Variants in DPEP3 observed in about 807,000 individuals in gnomAD.
DPEP3 encodes dipeptidase 3.
A neutral mutation model predicts 47.5 loss-of-function variants in DPEP3; 42 were observed. The observed-to-expected ratio is 0.88, with a 90% CI of 0.69 to 1.14. The LOEUF is 1.14. Ranked by LOEUF, DPEP3 falls within the 50% of genes most tolerant of loss-of-function variation. The probability of loss-of-function intolerance (pLI) is 0.00; values close to 1 mark genes in which losing one functional copy is unlikely to be tolerated. For synonymous variants in DPEP3, 276 were observed against 270.2 expected, an observed-to-expected ratio of 1.02 and a Z score of -0.21; for missense variants, 560 against 635.0, an observed-to-expected ratio of 0.88 and a Z score of 1.27.
At position 67,976,085 on chromosome 16, in the gene DPEP3, C is replaced by T. The variant is rs2031188814; in HGVS notation, c.1230+8G>A. 8 of 1,614,206 alleles carry T rather than the reference C, an allele frequency of 5.0e-6. No homozygotes were observed. Among genetic ancestry groups the T allele is most frequent in the Non-Finnish European group, 5.9e-6 (7 of 1,180,016 alleles). ...CACTGAACCATCCTGTCCACCAGCC[C>T]AGCTTACCTTTTCCACTTGTCTGAA... On this transcript the variant is annotated splice_region_variant and intron_variant, in intron 9 of 9. Coordinates refer to ENST00000268793, the MANE Select transcript of DPEP3 (RefSeq NM_001370198.1).
chr16:67,979,596 C>T, intron 2 of DPEP3, 43 bp downstream of exon 2: 1 of 1,608,766 alleles, frequency 6.2e-7, no homozygotes, highest in Non-Finnish European at 8.5e-7. Context: ...CCCCAACATC[C>T]CCCAGCAGCC....
chr16:67,976,320 C>T, intron 8 of DPEP3, 92 bp from the exon 9 acceptor site: 2 of 1,538,484 alleles, frequency 1.3e-6, no homozygotes, highest in Non-Finnish European at 1.8e-6. Flanking sequence ...ACAGGGGAAA[C>T]TGAAGGCCAA....
chr16:67,977,913 T>G, intron 5 of DPEP3, 25 bp downstream of exon 5: 1 of 1,613,910 alleles, frequency 6.2e-7, no homozygotes, highest in Non-Finnish European at 8.5e-7. Context: ...GCAGGTGGGT[T>G]GGGGTACAAA....
Position 67,977,316 on chromosome 16 carries a change from C to A in DPEP3, c.972G>T (p.Met324Ile). The change falls in exon 7 of 10, where the codon ATG (methionine) becomes ATT (isoleucine). Residue 324 changes from methionine (M) to isoleucine (I), a missense_variant. Transcript: ENST00000268793. Reference sequence around the variant, plus strand: ...CAAGCAGGTTGCACTGCAGCACCCCCATGGACAGTGTCACCATCACGATGC... The same window carrying A: ...CAAGCAGGTTGCACTGCAGCACCCCAATGGACAGTGTCACCATCACGATGC... Reference protein sequence around the residue: ...NGGIVMVTLSMGVLQCNLLAN... With the variant: ...NGGIVMVTLSIGVLQCNLLAN... 1 of 1,613,960 alleles carries A rather than the reference C, an allele frequency of 6.2e-7. No individual in the cohort carries two copies. The highest frequency in any genetic ancestry group is 1.1e-5 in the South Asian group (1 of 91,084).
intron 1 of DPEP3, 27 bp downstream of exon 1, chr16:67,980,067 C>A: frequency 6.3e-7 from 1 of 1,589,102 alleles, no homozygotes. Context: ...GCTCACCCCG[C>A]GTTGCCCAAA....
rs574371075 is a variant in DPEP3 at position 67,980,337 on chromosome 16, C to T, written c.44G>A (p.Arg15Gln). ...CAGGAGCAGCAGACGCCGCAGATAC[C>T]GCCGGCTGAGCGCGCGGGAACCCTC... ...GREGSRALSR[R>Q]YLRRLLLLLL... Residue 15 changes from arginine to glutamine, a missense_variant, in exon 1 of 10, where the codon CGG (arginine) becomes CAG (glutamine). By Grantham distance (43) the Arg-to-Gln change is conservative (BLOSUM62 1). Transcript: ENST00000268793. 148 of 1,551,808 alleles carry T rather than the reference C, an allele frequency of 9.5e-5. No individual in the cohort carries two copies. In the South Asian group the frequency reaches 1.6e-3, roughly 16 times the overall value.
In DPEP3 at chr16:67,977,295, C is replaced by G. The variant is rs1236784873; in HGVS notation, c.993G>C (p.Leu331=). Residue 331 remains leucine, a synonymous_variant, in exon 7 of 10, where the codon CTG becomes CTC. Coordinates refer to ENST00000268793, the MANE Select transcript of DPEP3 (RefSeq NM_001370198.1). ...CTGCCACAGTGGACACGTTAGCAAG[C>G]AGGTTGCACTGCAGCACCCCCATGG... is the stretch of plus-strand genomic sequence containing the variant. ...TLSMGVLQCN[L]LANVSTVADH... is the part of the protein sequence containing the mutation. 6.2e-7 allele frequency: 1 copy of G among 1,613,832 alleles called. No individual in the cohort carries two copies. Among genetic ancestry groups the G allele is most frequent in the Non-Finnish European group, 8.5e-7 (1 of 1,179,888 alleles).
rs1360537756 is a variant in DPEP3 at position 67,978,627 on chromosome 16, C to T, written c.415-1G>A. 2 of 1,613,732 alleles carry T rather than the reference C, an allele frequency of 1.2e-6. No homozygotes were observed. Among genetic ancestry groups the T allele is most frequent in the Admixed American group, 1.7e-5 (1 of 60,020 alleles). On this transcript the variant is annotated splice_acceptor_variant, in intron 2 of 9. Transcript: ENST00000268793. LOFTEE classifies it high-confidence loss of function. The surrounding 1 kb of genome is among the most constrained non-coding windows in gnomAD (Gnocchi z 4.4). Reference sequence around the variant, plus strand: ...GGCATGAGACGGAGGCTGACCAGAACTGAGGGTAGGTCAAGGGGTCCAGAA... The same window carrying T: ...GGCATGAGACGGAGGCTGACCAGAATTGAGGGTAGGTCAAGGGGTCCAGAA...
Position 67,975,836 on chromosome 16 carries a change from C to T in DPEP3, c.1396G>A (p.Ala466Thr), listed in dbSNP as rs746790741. Residue 466 changes from alanine to threonine, a missense_variant, in exon 10 of 10, where the codon GCC becomes ACC. Ala to Thr is a moderately conservative substitution (Grantham distance 58, BLOSUM62 0). Transcript: ENST00000268793. ...TNRVPWRSSN[A>T]SPYLVPGLVA... The stretch of plus-strand genomic sequence containing the variant: ...AGGCCTGGAACAAGGTATGGGGAGG[C>T]ATTTGAGGACCTCCAGGGGACCCGA... 2 of 1,613,914 alleles carry T rather than the reference C, an allele frequency of 1.2e-6. No individual in the cohort carries two copies. The highest frequency in any genetic ancestry group is 3.3e-5 in the Admixed American group (2 of 59,996).
intron 1 of DPEP3, 147 bp downstream of exon 1, chr16:67,979,947 G>C (rs556077554): frequency 1.9e-5 from 26 of 1,359,230 alleles, no homozygotes; most frequent in East Asian, 1.7e-4. Context: ...TGCGGGGAAG[G>C]GCACCCATGG....
rs370294992 is a variant in DPEP3, at chr16:67,979,761, T to C, written c.292A>G (p.Asn98Asp). The C allele has an allele frequency of 8.7e-6, 14 of 1,613,810 alleles. No individual in the cohort carries two copies. The East Asian group carries it at 2.5e-4, about 28-fold the overall frequency. Residue 98 changes from asparagine to aspartate, a missense_variant, in exon 2 of 10, where the codon AAT (asparagine) becomes GAT (aspartate). Asn to Asp is a conservative substitution (Grantham distance 23). Coordinates refer to ENST00000268793, the MANE Select transcript of DPEP3 (RefSeq NM_001370198.1). ...MRSFPLVDGH[N>D]DLPQVLRQRY... ...TGTCTCAGGACCTGGGGCAGGTCAT[T>C]GTGGCTGGGGGTGTGAAGGTCAGAT...
Position 67,977,969 on chromosome 16 carries a change from G to GTGTAC in DPEP3, c.720_724dup (p.Thr242SerfsTer8). ...AAAGCTTGTCAATCCGCTGACGTTG[G>GTGTAC]TGTACATGTGGTGTCTGAACTTGGT... On this transcript the variant is annotated frameshift_variant, in exon 5 of 10. Coordinates refer to ENST00000268793, the MANE Select transcript of DPEP3 (RefSeq NM_001370198.1). LOFTEE classifies it high-confidence loss of function. The GTGTAC allele has an allele frequency of 6.2e-7, 1 of 1,613,970 alleles. No homozygotes were observed. Among genetic ancestry groups the GTGTAC allele is most frequent in the Non-Finnish European group, 8.5e-7 (1 of 1,179,876 alleles).
Position 67,976,200 on chromosome 16 carries a change from T to G in DPEP3, c.1123A>C (p.Thr375Pro). The G allele has an allele frequency of 6.2e-7, 1 of 1,614,202 alleles. No homozygotes were observed. Among genetic ancestry groups the G allele is most frequent in the Non-Finnish European group, 8.5e-7 (1 of 1,180,024 alleles). ...AACTCCTCTATCAGGACTGGGTATG[T>G]GGACACATCCTCCAGCCCCTGAGGG... ...RFPQGLEDVS[T>P]YPVLIEELLS... Residue 375 changes from threonine to proline, a missense_variant, in exon 9 of 10, where the codon ACA becomes CCA. Coordinates refer to ENST00000268793, the MANE Select transcript of DPEP3 (RefSeq NM_001370198.1).
In DPEP3 at chr16:67,977,990, TTGG is replaced by T. The variant is rs1353125006; in HGVS notation, c.701_703del (p.Thr234del). 4.3e-6 allele frequency: 7 copies of T among 1,613,820 alleles called. No homozygotes were observed. Among genetic ancestry groups the T allele is most frequent in the Non-Finnish European group, 5.9e-6 (7 of 1,179,892 alleles). ...GTTGGTGTACATGTGGTGTCTGAAC[TTGG>T]TGGAACTCTCTGCCCTGCAGGACAG... On this transcript the variant is annotated inframe_deletion, in exon 5 of 10. Coordinates refer to ENST00000268793, the MANE Select transcript of DPEP3 (RefSeq NM_001370198.1).
Position 67,977,777 on chromosome 16 carries a change from G to A in DPEP3, c.809C>T (p.Ala270Val). 6.2e-7 allele frequency: 1 copy of A among 1,613,920 alleles called. No individual in the cohort carries two copies. ...RLGMMIDLSY[A>V]SDTLIRRVLE... Reference sequence around the variant, plus strand: ...GACCCTTCTTATCAAGGTGTCCGATGCATAGGACAAATCTATCATCATGCC... The same window carrying A: ...GACCCTTCTTATCAAGGTGTCCGATACATAGGACAAATCTATCATCATGCC... The change falls in exon 6 of 10, where the codon GCA (alanine) becomes GTA (valine). Residue 270 changes from alanine to valine, a missense_variant. By Grantham distance (64) the Ala-to-Val change is moderately conservative. Coordinates refer to ENST00000268793, the MANE Select transcript of DPEP3 (RefSeq NM_001370198.1).
In DPEP3 at chr16:67,976,180, C is replaced by T. The variant is rs1014343268; in HGVS notation, c.1143G>A (p.Glu381=). The change falls in exon 9 of 10, where the codon GAG becomes GAA. Residue 381 remains glutamate, a synonymous_variant. Transcript: ENST00000268793. The part of the protein sequence containing the change: ...EDVSTYPVLI[E]ELLSRSWSEE... ...CGCTCCAGCTACGACTCAGCAACTC[C>T]TCTATCAGGACTGGGTATGTGGACA... 6.2e-7 allele frequency: 1 copy of T among 1,614,102 alleles called. No individual in the cohort carries two copies. The highest frequency in any genetic ancestry group is 1.3e-5 in the African/African-American group (1 of 74,940).
In DPEP3 at chr16:67,979,896, G is replaced by C. The variant is rs576776594; in HGVS notation, c.288-131C>G. The C allele has an allele frequency of 2.7e-5, 39 of 1,444,674 alleles. No individual in the cohort carries two copies. The East Asian group carries it at 9.1e-4, about 34-fold the overall frequency. The allele number at this position is 1,444,674 out of a possible 1,614,324, so 89.5% of individuals were successfully genotyped here. A position where few individuals can be genotyped will look rare whatever the true frequency, so the allele number is the denominator to read the frequency against. On this transcript the variant is annotated intron_variant, in intron 1 of 9. Coordinates refer to ENST00000268793, the MANE Select transcript of DPEP3 (RefSeq NM_001370198.1). ...ACCATATAGAGACCTCCTGAGGTTG[G>C]GTTGGAGGGAGGGGGTTAGATTCCA...
intron 1 of DPEP3, 123 bp downstream of exon 1, chr16:67,979,971 G>C: frequency 7.2e-7 from 1 of 1,395,652 alleles, no homozygotes; most frequent in Non-Finnish European, 9.7e-7. Context: ...ATGGAGGAGA[G>C]AGGGCATCCA....
chr16:67,979,828 T>C, intron 1 of DPEP3, 63 bp from the exon 2 acceptor site: 1 of 1,596,020 alleles, frequency 6.3e-7, no homozygotes. Flanking sequence ...ATCAGGTGCT[T>C]GGGTCTACCC....
Sources: allele counts gnomAD v4.1 joint callset, GRCh38; gene constraint gnomAD v4.1.1; non-coding constraint Gnocchi (gnomAD v3.1); transcripts MANE v1.5; gene names NCBI Gene and HGNC (gene_info 2026-07-23, HGNC 2026-07-21).